The following ADAMTS18 variants were observed in gnomAD, a reference collection of about 807,000 sequenced individuals.
ADAMTS18 encodes ADAM metallopeptidase with thrombospondin type 1 motif 18.
ADAMTS18 carries 157 observed loss-of-function variants against 165.9 expected under a neutral mutation model. The ratio of observed to expected loss-of-function variants is 0.95; its 90% CI spans 0.83 to 1.08. The LOEUF is 1.08. ADAMTS18 is among the 50% of genes least tolerant of loss of function. ADAMTS18 has a pLI of 0.00. For synonymous variants in ADAMTS18, 782 were observed against 578.2 expected, an observed-to-expected ratio of 1.35 and a Z score of -5.06; for missense variants, 2,040 against 1,534.0, an observed-to-expected ratio of 1.33 and a Z score of -5.51.
At position 77,291,387 on chromosome 16, in the gene ADAMTS18, C is replaced by A. The variant is rs373807615; in HGVS notation, c.3281G>T (p.Arg1094Leu). Reference sequence around the variant, plus strand: ...TGGTTTCTTAATATTACGGCATCTTCGCTCTGGGAAAGTTATCAGCTTTCC... The same window carrying A: ...TGGTTTCTTAATATTACGGCATCTTAGCTCTGGGAAAGTTATCAGCTTTCC... ...FQGKLITFPERRCRNIKKPNL... is the reference protein window; with the variant it reads ...FQGKLITFPELRCRNIKKPNL... Residue 1094 changes from arginine (R) to leucine (L), a missense_variant, in exon 21 of 23, where the codon CGA (arginine) becomes CTA (leucine). Physicochemically the swap from Arg to Leu is moderately radical, Grantham distance 102. Coordinates refer to ENST00000282849, the MANE Select transcript of ADAMTS18 (RefSeq NM_199355.4). 4 of 1,614,026 alleles carry A rather than the reference C, an allele frequency of 2.5e-6. No homozygotes were observed. Among genetic ancestry groups the A allele is most frequent in the Non-Finnish European group, 3.4e-6 (4 of 1,180,014 alleles).
At chr16:77,384,606 A>T (rs1234072636) in intron 3 of ADAMTS18, among the ~76,000 whole-genome samples, 7 of 152,138 alleles carry the variant, frequency 4.6e-5, no homozygotes, top group African/African-American at 1.4e-4. Flanking sequence ...AGCCATAAAA[A>T]CCAATGTACG....
intron 3 of ADAMTS18, among the ~76,000 whole-genome samples, chr16:77,371,993 A>G (rs544729341): frequency 6.6e-5 from 10 of 152,210 alleles, no homozygotes; most frequent in Non-Finnish European, 1.5e-4. Context: ...CAAAAGACAT[A>G]TACATGGCCA....
In ADAMTS18 at chr16:77,282,431, A is replaced by C. The variant is rs959247283; in HGVS notation, c.*1525T>G. On this transcript the variant is annotated 3_prime_UTR_variant, in exon 23 of 23. Transcript: ENST00000282849. ...ATGGCCACTTCTCTAGGCCAAGCCAAGCAGATTGAGAGAAGTTCCTAAGCA... is the reference window on the plus strand; with the variant it reads ...ATGGCCACTTCTCTAGGCCAAGCCACGCAGATTGAGAGAAGTTCCTAAGCA... The C allele has an allele frequency of 1.5e-4, 23 of 152,396 alleles. No homozygotes were observed. The highest frequency in any genetic ancestry group is 5.5e-4 in the African/African-American group (23 of 41,578). The allele number at this position is 152,396 out of a possible 1,614,324, so 9.4% of individuals were successfully genotyped here.
At position 77,419,587 on chromosome 16, in the gene ADAMTS18, T is replaced by C. The variant is rs73635323; in HGVS notation, c.495+11708A>G. 4.6e-3 allele frequency among the ~76,000 whole-genome samples: 699 copies of C among 152,306 alleles called. 3 individuals are homozygous for C. The highest frequency in any genetic ancestry group is 0.015 in the African/African-American group (630 of 41,564). On this transcript the variant is annotated intron_variant, in intron 3 of 22. Coordinates refer to ENST00000282849, the MANE Select transcript of ADAMTS18 (RefSeq NM_199355.4). ...TTAGGTCAGACCTACCTGGAAAATCTTCCTATCTTAAAGTTAACCAATCTG... is the reference window on the plus strand; with the variant it reads ...TTAGGTCAGACCTACCTGGAAAATCCTCCTATCTTAAAGTTAACCAATCTG...
intron 3 of ADAMTS18, among the ~76,000 whole-genome samples, chr16:77,371,436 C>A (rs1432890293): frequency 6.6e-6 from 1 of 151,978 alleles, no homozygotes; most frequent in Non-Finnish European, 1.5e-5. Flanking sequence ...AAAACAGACA[C>A]ATAAAACAAC....
chr16:77,294,177 T>C lies in ADAMTS18; in HGVS notation c.3006+746A>G, dbSNP rs112230326. Among the ~76,000 whole-genome samples, 5 of 152,288 alleles carry C rather than the reference T, an allele frequency of 3.3e-5. 1 individual carries two copies. The highest frequency in any genetic ancestry group is 7.2e-5 in the African/African-American group (3 of 41,570). On this transcript the variant is annotated intron_variant, in intron 19 of 22. Coordinates refer to ENST00000282849, the MANE Select transcript of ADAMTS18 (RefSeq NM_199355.4). The stretch of plus-strand genomic sequence containing the variant: ...CCCATAATTTGTTTGCCAGCAGTGA[T>C]TGAGCAGTGGTTGAGCTATCATCTG...
intron 14 of ADAMTS18, 146 bp downstream of exon 14, chr16:77,322,190 C>T (rs1198195122): frequency 2.9e-6 from 2 of 679,374 alleles, no homozygotes; most frequent in African/African-American, 1.9e-5. Flanking sequence ...ATATGGTGCT[C>T]GAATCCAGTG....
intron 3 of ADAMTS18, among the ~76,000 whole-genome samples, chr16:77,371,218 TAAAAACAAAAAC>T (rs139311207): frequency 0.057 from 8,587 of 149,636 alleles, 802 homozygotes; most frequent in African/African-American, 0.19. Flanking sequence ...CTGACTCAAT[TAAAAACAAAAAC>T]AAAAACAAAA....
Position 77,434,777 on chromosome 16 carries a change from C to G in ADAMTS18, c.-82G>C. On this transcript the variant is annotated 5_prime_UTR_variant, in exon 1 of 23. Coordinates refer to ENST00000282849, the MANE Select transcript of ADAMTS18 (RefSeq NM_199355.4). ...GGCGGCGCGCATTCTTTCCGCGGCC[C>G]CGGAGCTCGGCGCCCCAGGTGCGGC... 1 of 1,214,530 alleles carries G rather than the reference C, an allele frequency of 8.2e-7. No individual in the cohort carries two copies. Among genetic ancestry groups the G allele is most frequent in the South Asian group, 2.2e-5 (1 of 44,912 alleles). 75.2% of individuals were successfully genotyped at this position (1,214,530 alleles called of 1,614,324 possible). A position where few individuals can be genotyped will look rare whatever the true frequency, so the allele number is the denominator to read the frequency against.
intron 3 of ADAMTS18, among the ~76,000 whole-genome samples, chr16:77,370,086 C>A (rs1046175595): frequency 1.3e-5 from 2 of 152,078 alleles, no homozygotes; most frequent in African/African-American, 2.4e-5. Flanking sequence ...CATCTCAACA[C>A]AATAAAGGCC....
intron 10 of ADAMTS18, among the ~76,000 whole-genome samples, chr16:77,343,540 C>G (rs574848928): frequency 6.6e-6 from 1 of 152,168 alleles, no homozygotes; most frequent in East Asian, 1.9e-4. Context: ...ACTCATTTAG[C>G]TGAAAAAACT....
In ADAMTS18 at chr16:77,295,011, G is replaced by C. The variant is rs1342475131; in HGVS notation, c.2918C>G (p.Ser973Cys). The C allele has an allele frequency of 6.8e-6, 11 of 1,614,082 alleles. No homozygotes were observed. The highest frequency in any genetic ancestry group is 7.6e-6 in the Non-Finnish European group (9 of 1,180,050). ...AGTGGGTGTGCTCACTGGACAGAGA[G>C]AATGCAACACTGCTTCCTCCTTTTG... Reference protein sequence around the residue: ...PFQKEEAVLHSLCPVSTPTQV... With the variant: ...PFQKEEAVLHCLCPVSTPTQV... The change falls in exon 19 of 23, where the codon TCT becomes TGT. Residue 973 changes from serine (S) to cysteine (C), a missense_variant. Coordinates refer to ENST00000282849, the MANE Select transcript of ADAMTS18 (RefSeq NM_199355.4).
chr16:77,319,609 A>C (rs2055951694), intron 16 of ADAMTS18, among the ~76,000 whole-genome samples: 1 of 151,918 alleles, frequency 6.6e-6, no homozygotes, highest in Non-Finnish European at 1.5e-5. Context: ...CACCTGGCTA[A>C]TTTTTGTATT....
chr16:77,300,538 G>T (rs906937449), intron 16 of ADAMTS18, 134 bp from the exon 17 acceptor site: 1 of 1,039,470 alleles, frequency 9.6e-7, no homozygotes, highest in Non-Finnish European at 1.5e-6. Flanking sequence ...TTGTTCCCAA[G>T]TATGTTTTAT....
At chr16:77,368,619 C>G (rs958715592) in intron 3 of ADAMTS18, among the ~76,000 whole-genome samples, 30 of 151,886 alleles carry the variant, frequency 2.0e-4, no homozygotes, top group Non-Finnish European at 4.3e-4. Context: ...CTATATTGCC[C>G]AGGCTCGTCT....
intron 13 of ADAMTS18, among the ~76,000 whole-genome samples, chr16:77,323,566 T>G (rs2144645702): frequency 6.6e-6 from 1 of 152,240 alleles, no homozygotes; most frequent in African/African-American, 2.4e-5. Context: ...CCTTTTTTTT[T>G]TTTTTTAAAA....
Position 77,406,445 on chromosome 16 carries a change from T to C in ADAMTS18, c.495+24850A>G, listed in dbSNP as rs1331754930. Among the ~76,000 whole-genome samples the C allele has an allele frequency of 2.6e-5, 4 of 152,188 alleles. No individual in the cohort carries two copies. In the East Asian group the frequency reaches 7.7e-4, roughly 29 times the overall value. ...ATTGAAACAAAGATGCTTGCTTTTA[T>C]CACTTGTAATTATCACCACACTTGA... On this transcript the variant is annotated intron_variant, in intron 3 of 22. Transcript: ENST00000282849.
In ADAMTS18 at chr16:77,353,881, G is replaced by A. The variant is rs1179521145; in HGVS notation, c.1466C>T (p.Pro489Leu). Reference sequence around the variant, plus strand: ...CTCATCCACTAGACACCCCGCCTGAGGTGTGCTGTAATGACAATACATGCT... The same window carrying A: ...CTCATCCACTAGACACCCCGCCTGAAGTGTGCTGTAATGACAATACATGCT... Reference protein sequence around the residue: ...RQYLKKFLSTPQAGCLVDEPK... With the variant: ...RQYLKKFLSTLQAGCLVDEPK... Residue 489 changes from proline (P) to leucine (L), a missense_variant, in exon 10 of 23, where the codon CCT becomes CTT. Physicochemically the swap from Pro to Leu is moderately conservative, Grantham distance 98 (BLOSUM62 -3). Coordinates refer to ENST00000282849, the MANE Select transcript of ADAMTS18 (RefSeq NM_199355.4). 1.2e-6 allele frequency: 2 copies of A among 1,613,970 alleles called. No homozygotes were observed. The highest frequency in any genetic ancestry group is 2.7e-5 in the African/African-American group (2 of 74,902).
intron 3 of ADAMTS18, among the ~76,000 whole-genome samples, chr16:77,409,281 G>A (rs2057431115): frequency 6.6e-6 from 1 of 152,164 alleles, no homozygotes; most frequent in Admixed American, 6.5e-5. Flanking sequence ...TAGGATTGCA[G>A]AAGCACCTTG....
Sources: allele counts gnomAD v4.1 joint callset (sites outside exome capture counted in the v4.1 genomes callset), GRCh38; gene constraint gnomAD v4.1.1; transcripts MANE v1.5; gene names NCBI Gene and HGNC (gene_info 2026-07-23, HGNC 2026-07-21).